Variants in COLEC10 observed in about 807,000 individuals in gnomAD.
COLEC10 encodes collectin-10.
In COLEC10, 22 loss-of-function variants were observed where a neutral mutation model predicts 28.4. The observed-to-expected ratio is 0.78, with a 90% CI of 0.55 to 1.11. The LOEUF is 1.11. Among genes scored for constraint, COLEC10 ranks in the 50% least tolerant of loss-of-function variants. The probability of loss-of-function intolerance (pLI) is 0.00; values close to 1 mark genes in which losing one functional copy is unlikely to be tolerated. For missense variants in COLEC10, 361 were observed against 344.1 expected (o/e 1.05, Z -0.39); for synonymous variants, 125 against 116.1 (o/e 1.08, Z -0.49).
chr8:119,091,220 G>C lies in COLEC10; in HGVS notation c.292G>C (p.Gly98Arg), dbSNP rs1815586046. Residue 98 changes from glycine (G) to arginine (R), a missense_variant and splice_region_variant, in exon 3 of 6, where the codon GGT (glycine) becomes CGT (arginine). By Grantham distance (125) the Gly-to-Arg change is moderately radical. Transcript: ENST00000332843. ...CAAGACTGGGCCCATTGGGAAGAAG[G>C]GTAAGTTGCATCTTACTATTCTCCA... ...IGKTGPIGKK[G>R]DKGEKGLLGI... 1 of 1,609,680 alleles carries C rather than the reference G, an allele frequency of 6.2e-7. No individual in the cohort carries two copies. Among genetic ancestry groups the C allele is most frequent in the Admixed American group, 1.7e-5 (1 of 59,750 alleles).
chr8:118,988,909 A>G, the COLEC10 span, among the ~76,000 whole-genome samples: 1 of 152,212 alleles, frequency 6.6e-6, no homozygotes, highest in Admixed American at 6.6e-5. Context: ...TTATTACCCA[A>G]TACAATATGC....
intron 2 of COLEC10, among the ~76,000 whole-genome samples, chr8:119,028,926 C>T (rs1905779): frequency 0.58 from 88,701 of 151,974 alleles, 26,564 homozygotes; most frequent in African/African-American, 0.72. Flanking sequence ...GCATCTACTA[C>T]ATGTTAATGG....
intron 5 of COLEC10, among the ~76,000 whole-genome samples, chr8:119,105,556 T>G (rs1815919794): frequency 1.3e-5 from 2 of 152,058 alleles, no homozygotes; most frequent in Non-Finnish European, 2.9e-5. Flanking sequence ...CTTTGTCAAC[T>G]TTGTGCTGGC....
chr8:119,007,644 C>T (rs1203511331), intron 1 of COLEC10, among the ~76,000 whole-genome samples: 7 of 151,012 alleles, frequency 4.6e-5, no homozygotes, highest in East Asian at 1.9e-4. Flanking sequence ...AGTAATTAAG[C>T]GCAGGGAAGT....
At chr8:119,032,214 A>T (rs1167508195) in intron 2 of COLEC10, among the ~76,000 whole-genome samples, 1 of 152,196 alleles carries the variant, frequency 6.6e-6, no homozygotes, top group Admixed American at 6.5e-5. Context: ...CATCACCCTT[A>T]TCTGTAAAAT....
intron 1 of COLEC10, among the ~76,000 whole-genome samples, chr8:118,999,954 C>G (rs1813662002): frequency 1.3e-5 from 2 of 151,984 alleles, no homozygotes; most frequent in Admixed American, 6.6e-5. Flanking sequence ...GCTGAAGAGG[C>G]ATGGGGTATT....
chr8:119,094,149 C>T (rs60449953), intron 3 of COLEC10, among the ~76,000 whole-genome samples: 5,412 of 152,096 alleles, frequency 0.036, 197 homozygotes, highest in East Asian at 0.19. Context: ...AGTCAGAGGT[C>T]GGATCATCAT....
chr8:118,970,842 A>G, the COLEC10 span, among the ~76,000 whole-genome samples: 1 of 151,998 alleles, frequency 6.6e-6, no homozygotes, highest in Non-Finnish European at 1.5e-5. Flanking sequence ...CAACTTGATC[A>G]ATGAGCACAA....
chr8:119,090,646 T>C (rs549316806), intron 2 of COLEC10, among the ~76,000 whole-genome samples: 40 of 152,242 alleles, frequency 2.6e-4, no homozygotes, highest in Non-Finnish European at 5.1e-4. Context: ...TTCCTAACCA[T>C]AGTTTTTTGA....
At chr8:119,094,720 G>A (rs867737145) in intron 3 of COLEC10, among the ~76,000 whole-genome samples, 9 of 152,108 alleles carry the variant, frequency 5.9e-5, no homozygotes, top group African/African-American at 2.2e-4. Context: ...AAGAGGAATG[G>A]CCCAGGAAAT....
chr8:119,000,401 A>G (rs1220443264), intron 1 of COLEC10, among the ~76,000 whole-genome samples: 2 of 152,180 alleles, frequency 1.3e-5, no homozygotes, highest in Admixed American at 6.6e-5. Context: ...TGAAGTGCCC[A>G]TCAGCACAGT....
chr8:118,979,316 T>C, the COLEC10 span, among the ~76,000 whole-genome samples: 2 of 152,076 alleles, frequency 1.3e-5, no homozygotes, highest in African/African-American at 2.4e-5. Flanking sequence ...TTGTTCTCTC[T>C]ACTTTTTGGA....
At chr8:119,083,237 T>C (rs1300567282) in intron 1 of COLEC10, among the ~76,000 whole-genome samples, 3 of 152,220 alleles carry the variant, frequency 2.0e-5, no homozygotes, top group Non-Finnish European at 2.9e-5. Context: ...CTGTAATGAC[T>C]GTAATGTGGG....
chr8:119,044,843 C>CAAA (rs765073886), intron 2 of COLEC10, among the ~76,000 whole-genome samples: 1 of 109,686 alleles, frequency 9.1e-6, no homozygotes, highest in Non-Finnish European at 2.0e-5. Context: ...AGACTGTCTC[C>CAAA]AAAAAAAAAA....
intron 1 of COLEC10, among the ~76,000 whole-genome samples, chr8:119,072,858 A>G (rs1049673550): frequency 6.6e-6 from 1 of 151,876 alleles, no homozygotes; most frequent in Admixed American, 6.6e-5. Flanking sequence ...TTCTCAGAAG[A>G]CCTCTTAGCA....
chr8:119,083,162 T>C (rs1043476184), intron 1 of COLEC10, among the ~76,000 whole-genome samples: 9 of 152,302 alleles, frequency 5.9e-5, no homozygotes, highest in African/African-American at 9.6e-5. Context: ...GGATTCAATC[T>C]GAGTTAGGTC....
the COLEC10 span, among the ~76,000 whole-genome samples, chr8:118,984,374 C>G: frequency 6.6e-6 from 1 of 152,046 alleles, no homozygotes; most frequent in Non-Finnish European, 1.5e-5. Context: ...TAAAAAACAA[C>G]TATTGCGTAC....
At chr8:118,988,287 G>A in the COLEC10 span, among the ~76,000 whole-genome samples, 4 of 151,966 alleles carry the variant, frequency 2.6e-5, no homozygotes, top group Admixed American at 6.5e-5. Flanking sequence ...GGTTCTGGCG[G>A]TGGAGACAGG....
chr8:119,043,298 A>G (rs1165811412), intron 2 of COLEC10, among the ~76,000 whole-genome samples: 2 of 152,198 alleles, frequency 1.3e-5, no homozygotes, highest in East Asian at 3.9e-4. Flanking sequence ...TTCAGAAGAC[A>G]CATAAAACAT....
Sources: allele counts gnomAD v4.1 joint callset (sites outside exome capture counted in the v4.1 genomes callset), GRCh38; gene constraint gnomAD v4.1.1; transcripts MANE v1.5; gene names NCBI Gene and HGNC (gene_info 2026-07-23, HGNC 2026-07-21).